The following VPS13A variants were observed in gnomAD, a reference collection of about 807,000 sequenced individuals.
VPS13A encodes intermembrane lipid transfer protein VPS13A.
Under a neutral mutation model 390.9 loss-of-function variants are expected in VPS13A, and 264 were observed. The observed-to-expected ratio is 0.68, with a 90% CI of 0.61 to 0.75. VPS13A has a LOEUF of 0.75. Among genes scored for constraint, VPS13A ranks in the 30% least tolerant of loss-of-function variants. The pLI, the probability that VPS13A is intolerant of heterozygous loss-of-function variation, is 0.00. For synonymous variants in VPS13A, 1,231 were observed against 1,227.1 expected, an observed-to-expected ratio of 1.00 and a Z score of -0.07; for missense variants, 3,409 against 3,733.9, an observed-to-expected ratio of 0.91 and a Z score of 2.27.
chr9:77,372,819 C>T (rs1031093052), intron 67 of VPS13A, among the ~76,000 whole-genome samples: 1 of 152,136 alleles, frequency 6.6e-6, no homozygotes, highest in African/African-American at 2.4e-5. Flanking sequence ...ACAAAAATCA[C>T]AAGCATTCTT....
intron 71 of VPS13A, among the ~76,000 whole-genome samples, chr9:77,414,957 T>C (rs750424776): frequency 1.8e-4 from 28 of 152,198 alleles, no homozygotes; most frequent in Non-Finnish European, 2.8e-4. Context: ...CTCATACACA[T>C]ACCTTGGACC....
chr9:77,305,344 A>G (rs1039536284), intron 34 of VPS13A, among the ~76,000 whole-genome samples: 1 of 152,266 alleles, frequency 6.6e-6, no homozygotes, highest in Non-Finnish European at 1.5e-5. Context: ...CTTACAGGGT[A>G]GGAGATGGAA....
intron 71 of VPS13A, among the ~76,000 whole-genome samples, chr9:77,415,440 C>G (rs1054613718): frequency 2.0e-5 from 3 of 152,074 alleles, no homozygotes; most frequent in African/African-American, 7.2e-5. Flanking sequence ...CATCCATGCC[C>G]AATAATAATA....
intron 33 of VPS13A, among the ~76,000 whole-genome samples, chr9:77,297,990 A>T (rs1299058327): frequency 6.6e-6 from 1 of 152,184 alleles, no homozygotes; most frequent in Non-Finnish European, 1.5e-5. Context: ...ATAGTAACTG[A>T]TGGTTGAATG....
intron 51 of VPS13A, among the ~76,000 whole-genome samples, chr9:77,344,683 C>T (rs1192972869): frequency 1.3e-5 from 2 of 151,676 alleles, no homozygotes; most frequent in Non-Finnish European, 1.5e-5. Flanking sequence ...GGTGTGAACC[C>T]GGGAGGTGGA....
At chr9:77,393,179 ATTTTC>A (rs780531576) in intron 68 of VPS13A, among the ~76,000 whole-genome samples, 11 of 152,178 alleles carry the variant, frequency 7.2e-5, no homozygotes, top group Non-Finnish European at 1.6e-4. Context: ...TGGAGAAACC[ATTTTC>A]TTTGCTTATC....
intron 15 of VPS13A, among the ~76,000 whole-genome samples, chr9:77,227,106 ATGTGTTGAT>A (rs1823562543): frequency 6.6e-6 from 1 of 152,162 alleles, no homozygotes. Context: ...TTTATACTAA[ATGTGTTGAT>A]TAGCACAGTG....
Position 77,370,466 on chromosome 9 carries a change from T to C in VPS13A, c.8795T>C (p.Val2932Ala). The C allele has an allele frequency of 6.2e-7, 1 of 1,613,950 alleles. No homozygotes were observed. The highest frequency in any genetic ancestry group is 8.5e-7 in the Non-Finnish European group (1 of 1,179,976). Residue 2932 changes from valine to alanine, a missense_variant, in exon 65 of 72, where the codon GTA becomes GCA. Transcript: ENST00000360280. ...SKITGAMAKG[V>A]AAMTMDEDYQ... ...ATCACCGGTGCTATGGCTAAGGGGG[T>C]AGCAGCTATGACCATGGATGAAGAC...
intron 67 of VPS13A, among the ~76,000 whole-genome samples, chr9:77,372,401 A>G (rs561473773): frequency 1.3e-5 from 2 of 152,222 alleles, no homozygotes; most frequent in African/African-American, 2.4e-5. Flanking sequence ...TCGGATGGCC[A>G]GTGATGATTA....
rs2131563767 is a variant in VPS13A, at chr9:77,360,630, G to A, written c.8200G>A (p.Glu2734Lys). The A allele has an allele frequency of 1.2e-6, 2 of 1,608,848 alleles. No individual in the cohort carries two copies. The highest frequency in any genetic ancestry group is 2.2e-5 in the East Asian group (1 of 44,660). ...CCTTATGACAGAAGCTGAGGTGACT[G>A]AAAATACAGAGGTAAGACTTAAAAT... ...TDLMTEAEVT[E>K]NTEVELFHKD... is the part of the protein sequence containing the mutation. Residue 2734 changes from glutamate to lysine, a missense_variant, in exon 59 of 72, where the codon GAA becomes AAA. Around this residue, in one of 5 missense-constraint regions of VPS13A, gnomAD observed 221 missense variants for 300.7 expected, o/e 0.73. Coordinates refer to ENST00000360280, the MANE Select transcript of VPS13A (RefSeq NM_033305.3).
At chr9:77,195,811 G>T (rs1220525022) in intron 1 of VPS13A, among the ~76,000 whole-genome samples, 1 of 150,548 alleles carries the variant, frequency 6.6e-6, no homozygotes, top group Non-Finnish European at 1.5e-5. Context: ...ACTTATCTTT[G>T]CTCTGATCTT....
In VPS13A at chr9:77,415,913, G is replaced by A. The variant is rs2274486; in HGVS notation, c.9475-43G>A. 8.8e-5 allele frequency: 142 copies of A among 1,609,510 alleles called. 2 individuals are homozygous for A. In the South Asian group the frequency reaches 1.5e-3, roughly 17 times the overall value. ...TTCATTACATTTTGTTTCATTACAA[G>A]TTCACTGAAGTAAGCAAATGTTCAT... On this transcript the variant is annotated intron_variant, in intron 71 of 71. Coordinates refer to ENST00000360280, the MANE Select transcript of VPS13A (RefSeq NM_033305.3).
Position 77,321,750 on chromosome 9 carries a change from A to G in VPS13A, c.5830+4A>G, listed in dbSNP as rs1422242112. The G allele has an allele frequency of 1.9e-6, 3 of 1,613,076 alleles. No homozygotes were observed. Among genetic ancestry groups the G allele is most frequent in the Non-Finnish European group, 2.5e-6 (3 of 1,179,364 alleles). ...AAACTCTTCTTCATTCTTCTTAGTA[A>G]GTAGTTGAAAAATTACCTTCCTGGG... On this transcript the variant is annotated splice_donor_region_variant and intron_variant, in intron 44 of 71. Transcript: ENST00000360280.
chr9:77,396,344 A>G (rs1353381013), intron 68 of VPS13A, among the ~76,000 whole-genome samples: 2 of 152,144 alleles, frequency 1.3e-5, no homozygotes, highest in African/African-American at 4.8e-5. Flanking sequence ...GCCTATACCT[A>G]TGGTTTTGCT....
intron 1 of VPS13A, among the ~76,000 whole-genome samples, chr9:77,187,916 C>T (rs1824440241): frequency 6.6e-6 from 1 of 152,138 alleles, no homozygotes; most frequent in Admixed American, 6.6e-5. Context: ...TCTTTGTGTC[C>T]ATGTGTACTG....
intron 70 of VPS13A, among the ~76,000 whole-genome samples, chr9:77,407,286 G>A (rs1834665991): frequency 6.6e-6 from 1 of 152,112 alleles, no homozygotes; most frequent in African/African-American, 2.4e-5. Context: ...TATGGCATTA[G>A]CAATTAAAAT....
chr9:77,213,392 T>C (rs41289957), intron 9 of VPS13A, 78 bp downstream of exon 9: 11 of 1,193,840 alleles, frequency 9.2e-6, no homozygotes, highest in Non-Finnish European at 1.2e-5. Context: ...TTATCTAATA[T>C]ACTGTAGTCA....
At chr9:77,406,442 C>CAG (rs199892340) in intron 70 of VPS13A, among the ~76,000 whole-genome samples, 1 of 152,004 alleles carries the variant, frequency 6.6e-6, no homozygotes, top group African/African-American at 2.4e-5. Flanking sequence ...TTTTTTGAGA[C>CAG]AGAGTCTTGC....
intron 23 of VPS13A, among the ~76,000 whole-genome samples, chr9:77,268,265 G>T (rs1826148192): frequency 6.6e-6 from 1 of 152,164 alleles, no homozygotes; most frequent in East Asian, 1.9e-4. Flanking sequence ...TGAAACCCTG[G>T]GCCCTGTTGG....
Sources: allele counts gnomAD v4.1 joint callset (sites outside exome capture counted in the v4.1 genomes callset), GRCh38; gene constraint gnomAD v4.1.1; regional missense constraint gnomAD v4.1.1; transcripts MANE v1.5; gene names NCBI Gene and HGNC (gene_info 2026-07-23, HGNC 2026-07-21).